The following WDPCP variants were observed in gnomAD, a reference collection of about 807,000 sequenced individuals.
WDPCP encodes the protein WD repeat-containing and planar cell polarity effector protein fritz homolog.
In WDPCP, 71 loss-of-function variants were observed where a neutral mutation model predicts 93.1. The ratio of observed to expected loss-of-function variants is 0.76; its 90% CI spans 0.63 to 0.93. The LOEUF (loss-of-function observed/expected upper bound fraction) is 0.93. Among genes scored for constraint, WDPCP ranks in the 40% least tolerant of loss-of-function variants. WDPCP has a pLI of 0.00. For missense variants in WDPCP, 844 were observed against 887.4 expected (o/e 0.95, Z 0.62); for synonymous variants, 315 against 315.0 (o/e 1.00, Z 0.00).
intron 3 of WDPCP, among the ~76,000 whole-genome samples, chr2:63,605,112 C>G (rs1237880741): frequency 6.6e-6 from 1 of 152,100 alleles, no homozygotes; most frequent in Non-Finnish European, 1.5e-5. Context: ...TACATAGTTT[C>G]CTTTTTCCAG....
At chr2:63,771,365 A>G (rs966127141) in intron 2 of WDPCP, among the ~76,000 whole-genome samples, 2 of 152,002 alleles carry the variant, frequency 1.3e-5, no homozygotes, top group African/African-American at 4.8e-5. Context: ...CAAATAATTT[A>G]TATCTATTTA....
At position 63,338,565 on chromosome 2, in the gene WDPCP, AAAAAATATATATATATAT is replaced by A. The variant is rs1364024137; in HGVS notation, c.1749-25272_1749-25255del. ...AAAACTCCATCTAAAAAAAAAAAAA[AAAAAATATATATATATAT>A]ATATATATATATATATATATATATA... On this transcript the variant is annotated intron_variant, in intron 12 of 17. Coordinates refer to ENST00000272321, the MANE Select transcript of WDPCP (RefSeq NM_015910.7). 8.1e-3 allele frequency among the ~76,000 whole-genome samples: 329 copies of A among 40,468 alleles called. 24 individuals carry two copies. The highest frequency in any genetic ancestry group is 0.028 in the Middle Eastern group (2 of 72). The allele number at this position is 40,468 out of a possible 152,430, so 26.5% of individuals were successfully genotyped here.
In WDPCP at chr2:63,560,374, T is replaced by C. The variant is rs574923634; in HGVS notation, c.75+27823A>G. Reference sequence around the variant, plus strand: ...CAAGGCTACAGTAACCAACACAGCATTGTACTGGTACAAAAACAGACACAT... The same window carrying C: ...CAAGGCTACAGTAACCAACACAGCACTGTACTGGTACAAAAACAGACACAT... On this transcript the variant is annotated intron_variant, in intron 1 of 17. Coordinates refer to ENST00000272321, the MANE Select transcript of WDPCP (RefSeq NM_015910.7). Among the ~76,000 whole-genome samples, 79 of 152,318 alleles carry C rather than the reference T, an allele frequency of 5.2e-4. 2 individuals are homozygous for C. In the South Asian group the frequency reaches 0.016, roughly 31 times the overall value.
intron 2 of WDPCP, among the ~76,000 whole-genome samples, chr2:63,772,584 C>T (rs183001741): frequency 2.6e-4 from 39 of 152,084 alleles, no homozygotes; most frequent in East Asian, 1.9e-3. Flanking sequence ...TAGAATAATA[C>T]ACTAAAACCA....
chr2:63,392,857 T>G (rs529408922), intron 10 of WDPCP, among the ~76,000 whole-genome samples: 134 of 152,246 alleles, frequency 8.8e-4, no homozygotes, highest in African/African-American at 2.7e-3. Flanking sequence ...ACGCCAGTTA[T>G]AATGGCGATC....
intron 6 of WDPCP, 79 bp from the exon 7 acceptor site, chr2:63,439,950 T>C (rs1296084352): frequency 2.0e-6 from 2 of 1,017,560 alleles, no homozygotes; most frequent in African/African-American, 1.6e-5. Context: ...TCTCCAAATA[T>C]ACAACTTATA....
intron 13 of WDPCP, among the ~76,000 whole-genome samples, chr2:63,293,591 C>G (rs1177128101): frequency 6.6e-6 from 1 of 151,790 alleles, no homozygotes; most frequent in Non-Finnish European, 1.5e-5. Context: ...GACTGTAAAA[C>G]AGCTGTCTAA....
intron 6 of WDPCP, among the ~76,000 whole-genome samples, chr2:63,477,048 T>G (rs971290409): frequency 6.6e-6 from 1 of 152,184 alleles, no homozygotes; most frequent in Non-Finnish European, 1.5e-5. Flanking sequence ...TAGTTAAATT[T>G]ACATGCACAA....
intron 3 of WDPCP, among the ~76,000 whole-genome samples, chr2:63,602,920 T>A (rs1709452265): frequency 6.6e-6 from 1 of 151,392 alleles, no homozygotes; most frequent in African/African-American, 2.4e-5. Context: ...CATAATACAG[T>A]TTATTTAACC....
At chr2:63,710,689 T>C (rs1208074112) in intron 2 of WDPCP, among the ~76,000 whole-genome samples, 1 of 152,200 alleles carries the variant, frequency 6.6e-6, no homozygotes, top group East Asian at 1.9e-4. Flanking sequence ...TTAGACCATT[T>C]TGCGATTGTA....
intron 17 of WDPCP, among the ~76,000 whole-genome samples, chr2:63,146,732 AT>A (rs1405037141): frequency 1.3e-5 from 2 of 152,180 alleles, no homozygotes; most frequent in Non-Finnish European, 2.9e-5. Context: ...GGCGAAGTGT[AT>A]GGATATCTGC....
intron 13 of WDPCP, among the ~76,000 whole-genome samples, chr2:63,265,337 G>A (rs573759797): frequency 2.6e-5 from 4 of 151,382 alleles, no homozygotes; most frequent in Non-Finnish European, 4.4e-5. Flanking sequence ...TGAAAGAGGA[G>A]ACATTATAAC....
chr2:63,622,014 C>T (rs1709743503), intron 3 of WDPCP, among the ~76,000 whole-genome samples: 2 of 151,072 alleles, frequency 1.3e-5, no homozygotes, highest in South Asian at 4.2e-4. Flanking sequence ...TCTCCCAATG[C>T]TATCCCTCCC....
chr2:63,326,163 C>A (rs1687520159), intron 12 of WDPCP, among the ~76,000 whole-genome samples: 2 of 152,210 alleles, frequency 1.3e-5, no homozygotes, highest in Admixed American at 6.5e-5. Context: ...ACAGGCGCTA[C>A]TCCTTGAGCG....
chr2:63,375,019 C>T (rs1691727419), intron 12 of WDPCP, among the ~76,000 whole-genome samples: 1 of 151,992 alleles, frequency 6.6e-6, no homozygotes, highest in African/African-American at 2.4e-5. Context: ...CTCTCTGTGC[C>T]ACAATCACAT....
At chr2:63,658,247 C>T (rs1187853247) in intron 2 of WDPCP, among the ~76,000 whole-genome samples, 1 of 152,006 alleles carries the variant, frequency 6.6e-6, no homozygotes, top group Non-Finnish European at 1.5e-5. Flanking sequence ...TCATATATAC[C>T]CTGAAACAGT....
chr2:63,492,727 AT>A, intron 2 of WDPCP, 128 bp downstream of exon 2: 1 of 817,336 alleles, frequency 1.2e-6, no homozygotes, highest in Non-Finnish European at 2.0e-6. Flanking sequence ...CCATTAACCA[AT>A]TTTTCATTAA....
intron 17 of WDPCP, among the ~76,000 whole-genome samples, chr2:63,136,910 A>G (rs1208426163): frequency 6.6e-6 from 1 of 152,102 alleles, no homozygotes; most frequent in Non-Finnish European, 1.5e-5. Flanking sequence ...TCATGGCTGT[A>G]TAGTATTCCA....
At chr2:63,248,362 CTT>C (rs1680453458) in intron 14 of WDPCP, among the ~76,000 whole-genome samples, 1 of 152,144 alleles carries the variant, frequency 6.6e-6, no homozygotes, top group Non-Finnish European at 1.5e-5. Context: ...TTTATTCTCT[CTT>C]GCTGCTTGCA....
Sources: allele counts gnomAD v4.1 joint callset (sites outside exome capture counted in the v4.1 genomes callset), GRCh38; gene constraint gnomAD v4.1.1; transcripts MANE v1.5; gene names NCBI Gene and HGNC (gene_info 2026-07-23, HGNC 2026-07-21).